FAT3: variants seen among roughly 807,000 people sequenced by gnomAD.
FAT3 encodes FAT atypical cadherin 3.
FAT3 carries 95 observed loss-of-function variants against 310.2 expected under a neutral mutation model. The ratio of observed to expected loss-of-function variants is 0.31; its 90% confidence interval spans 0.26 to 0.36. The LOEUF (loss-of-function observed/expected upper bound fraction) is 0.36, where lower values mean the gene tolerates loss of function less well. FAT3 is among the 10% of genes least tolerant of loss of function. FAT3 has a pLI of 1.00. For synonymous variants in FAT3, 2,314 were observed against 2,192.9 expected (o/e 1.06, Z -1.54); for missense variants, 5,408 against 5,715.6 (o/e 0.95, Z 1.74).
intron 3 of FAT3, among the ~76,000 whole-genome samples, chr11:92,623,380 A>G (rs1941175666): frequency 6.6e-6 from 1 of 152,194 alleles, no homozygotes; most frequent in Non-Finnish European, 1.5e-5. Flanking sequence ...AACACATAGC[A>G]GTACTCATAC....
intron 3 of FAT3, among the ~76,000 whole-genome samples, chr11:92,594,215 G>A (rs191828205): frequency 7.4e-4 from 113 of 152,300 alleles, no homozygotes; most frequent in Admixed American, 3.5e-3. Flanking sequence ...GGCCGAGGCC[G>A]GCAGATCACC....
intron 2 of FAT3, among the ~76,000 whole-genome samples, chr11:92,522,793 T>C (rs1298943850): frequency 6.6e-6 from 1 of 152,142 alleles, no homozygotes; most frequent in East Asian, 1.9e-4. Flanking sequence ...ATTTTAATGC[T>C]AAAATCCTGC....
chr11:92,636,881 G>T (rs1941785971), intron 3 of FAT3, among the ~76,000 whole-genome samples: 2 of 152,160 alleles, frequency 1.3e-5, no homozygotes, highest in African/African-American at 4.8e-5. Flanking sequence ...GCAAAATTAA[G>T]TTATCTTGGC....
chr11:92,802,416 C>T (rs1947387463), intron 10 of FAT3, among the ~76,000 whole-genome samples: 1 of 152,138 alleles, frequency 6.6e-6, no homozygotes. Flanking sequence ...TAAATTATCA[C>T]TACAAATCAA....
At chr11:92,601,572 G>A (rs918031545) in intron 3 of FAT3, among the ~76,000 whole-genome samples, 1 of 152,100 alleles carries the variant, frequency 6.6e-6, no homozygotes, top group East Asian at 1.9e-4. Flanking sequence ...ACTCCAGCCT[G>A]GATGACCGAG....
intron 7 of FAT3, among the ~76,000 whole-genome samples, chr11:92,780,513 C>T (rs1304837362): frequency 6.6e-6 from 1 of 152,126 alleles, no homozygotes; most frequent in East Asian, 1.9e-4. Flanking sequence ...GTACTACTGT[C>T]ATGCCCGTTT....
At chr11:92,865,897 C>T (rs1229367392) in intron 21 of FAT3, among the ~76,000 whole-genome samples, 1 of 152,170 alleles carries the variant, frequency 6.6e-6, no homozygotes, top group African/African-American at 2.4e-5. Flanking sequence ...CCAATGCACT[C>T]ACAGCAGCAG....
chr11:92,628,711 C>T (rs749997066), intron 3 of FAT3, among the ~76,000 whole-genome samples: 1 of 152,226 alleles, frequency 6.6e-6, no homozygotes, highest in East Asian at 1.9e-4. Context: ...ATTGTCCACT[C>T]TTGTCTTTTT....
chr11:92,267,279 T>A (rs1304433211), intron 1 of FAT3, among the ~76,000 whole-genome samples: 2 of 152,214 alleles, frequency 1.3e-5, no homozygotes, highest in Non-Finnish European at 2.9e-5. Context: ...TTGAGATTGC[T>A]AATTTTGGGC....
At chr11:92,886,709 C>G (rs534643396) in intron 24 of FAT3, among the ~76,000 whole-genome samples, 86 of 152,344 alleles carry the variant, frequency 5.6e-4, no homozygotes, top group Non-Finnish European at 9.1e-4. Context: ...CCTCATTTCA[C>G]TCTTCACTCA....
chr11:92,528,933 A>G (rs1003722227), intron 3 of FAT3, among the ~76,000 whole-genome samples: 2 of 152,228 alleles, frequency 1.3e-5, no homozygotes, highest in Admixed American at 1.3e-4. Context: ...CTACAAGCAC[A>G]CTGCTCCTGG....
Position 92,883,522 on chromosome 11 carries a change from C to A in FAT3, c.12937+129C>A. 1.7e-6 allele frequency: 2 copies of A among 1,209,780 alleles called. No individual in the cohort carries two copies. The highest frequency in any genetic ancestry group is 2.3e-6 in the Non-Finnish European group (2 of 882,108). The allele number at this position is 1,209,780 out of a possible 1,614,324, so 74.9% of individuals were successfully genotyped here. A position where few individuals can be genotyped will look rare whatever the true frequency, so the allele number is the denominator to read the frequency against. On this transcript the variant is annotated intron_variant, in intron 24 of 27. Coordinates refer to ENST00000525166, the MANE Select transcript of FAT3 (RefSeq NM_001367949.2). This position sits in a 1 kb window ranked among gnomAD's most constrained non-coding sequence, Gnocchi z 4.2. ...CATTCGCTATGACATGTGCTGATGT[C>A]GAATGTGCACACCAGCTCTGGAAAA...
intron 3 of FAT3, among the ~76,000 whole-genome samples, chr11:92,624,420 G>A (rs1414180364): frequency 4.6e-5 from 7 of 152,160 alleles, no homozygotes; most frequent in African/African-American, 1.7e-4. Context: ...AAAGGGCCTG[G>A]CATGTTTAGA....
chr11:92,883,632 G>C lies in FAT3; in HGVS notation c.12937+239G>C, dbSNP rs537676064. On this transcript the variant is annotated intron_variant, in intron 24 of 27. Transcript: ENST00000525166. The surrounding 1 kb of genome is among the most constrained non-coding windows in gnomAD (Gnocchi z 4.2). ...TCATGAGCCCAAGGTGAGGCAGCTAGTAAGAGGCAGTCAGTACCCCAACTC... is the reference window on the plus strand; with the variant it reads ...TCATGAGCCCAAGGTGAGGCAGCTACTAAGAGGCAGTCAGTACCCCAACTC... Among the ~76,000 whole-genome samples the C allele has an allele frequency of 6.6e-6, 1 of 152,306 alleles. No individual in the cohort carries two copies. The highest frequency in any genetic ancestry group is 2.4e-5 in the African/African-American group (1 of 41,554).
At chr11:92,849,270 C>A (rs965288367) in intron 19 of FAT3, among the ~76,000 whole-genome samples, 3 of 152,154 alleles carry the variant, frequency 2.0e-5, no homozygotes, top group African/African-American at 7.2e-5. Context: ...GAAAGAAACT[C>A]AGAAGTTTCC....
chr11:92,783,150 G>A, intron 7 of FAT3, among the ~76,000 whole-genome samples: 1 of 151,558 alleles, frequency 6.6e-6, no homozygotes, highest in East Asian at 2.0e-4. Context: ...ACGAGGTCAG[G>A]AGTTCGAGAC....
chr11:92,318,575 A>C (rs1450303110), intron 1 of FAT3, among the ~76,000 whole-genome samples: 1 of 152,132 alleles, frequency 6.6e-6, no homozygotes, highest in East Asian at 1.9e-4. Flanking sequence ...CTCCTAGGAG[A>C]TAAACTCCTT....
At chr11:92,242,614 G>C (rs1590995980) in intron 1 of FAT3, among the ~76,000 whole-genome samples, 1 of 152,036 alleles carries the variant, frequency 6.6e-6, no homozygotes, top group East Asian at 1.9e-4. Context: ...AAGATCTGTG[G>C]ATGAAATGAG....
At chr11:92,254,371 C>G (rs2134285706) in intron 1 of FAT3, among the ~76,000 whole-genome samples, 1 of 152,230 alleles carries the variant, frequency 6.6e-6, no homozygotes, top group South Asian at 2.1e-4. Flanking sequence ...ATTCACCAGA[C>G]TGTTACAAAG....
Sources: allele counts gnomAD v4.1 joint callset (sites outside exome capture counted in the v4.1 genomes callset), GRCh38; gene constraint gnomAD v4.1.1; non-coding constraint Gnocchi (gnomAD v3.1); transcripts MANE v1.5; gene names NCBI Gene and HGNC (gene_info 2026-07-23, HGNC 2026-07-21).